The following DRC9 variants were observed in gnomAD, a reference collection of about 807,000 sequenced individuals.
The protein encoded by DRC9 is dynein regulatory complex subunit 9, also known as dynein regulatory complex protein 9.
At chr3:197,941,185 C>G in the DRC9 span, among the ~76,000 whole-genome samples, 1 of 141,062 alleles carries the variant, frequency 7.1e-6, no homozygotes, top group Non-Finnish European at 1.6e-5. Flanking sequence ...TCTCTCTCCC[C>G]TCTCTCCTCT....
the DRC9 span, chr3:197,957,458 G>GT: frequency 0.031 from 4,055 of 129,828 alleles, 78 homozygotes; most frequent in Non-Finnish European, 0.045. Context: ...GATTGTGGTG[G>GT]TTTTTTTTTT....
chr3:197,904,587 G>A, the DRC9 span, among the ~76,000 whole-genome samples: 500 of 152,288 alleles, frequency 3.3e-3, 5 homozygotes, highest in African/African-American at 0.011. Context: ...AGGTGGGGCC[G>A]GGCGTGGTGG....
the DRC9 span, among the ~76,000 whole-genome samples, chr3:197,933,354 T>C: frequency 6.6e-6 from 1 of 151,776 alleles, no homozygotes; most frequent in Non-Finnish European, 1.5e-5. Context: ...GGCAGGAGAA[T>C]TGCTTGAATC....
At chr3:197,932,743 C>T in the DRC9 span, among the ~76,000 whole-genome samples, 1 of 147,262 alleles carries the variant, frequency 6.8e-6, no homozygotes, top group Non-Finnish European at 1.5e-5. Flanking sequence ...GGAAGAATTG[C>T]TTGAGCCCAG....
the DRC9 span, chr3:197,958,960 A>G: frequency 2.0e-5 from 3 of 152,268 alleles, no homozygotes; most frequent in African/African-American, 4.8e-5. Flanking sequence ...TAATCCCAAC[A>G]CTTTGGGAGG....
chr3:197,913,335 TGC>T, the DRC9 span: 5 of 217,672 alleles, frequency 2.3e-5, no homozygotes, highest in African/African-American at 7.4e-5. Context: ...TGTGCGTGCG[TGC>T]GTGCGTGCGT....
the DRC9 span, among the ~76,000 whole-genome samples, chr3:197,934,094 A>T: frequency 7.1e-6 from 1 of 140,434 alleles, no homozygotes; most frequent in African/African-American, 2.8e-5. Flanking sequence ...TGATCTTTCT[A>T]TTTATTTATT....
chr3:197,932,875 T>TTATATATGTATTATATATATAATATAC, the DRC9 span, among the ~76,000 whole-genome samples: 1 of 92,528 alleles, frequency 1.1e-5, no homozygotes, highest in African/African-American at 6.4e-5. Context: ...GTATAATATA[T>TTATATATGTATTATATATATAATATAC]ATTATATATG....
chr3:197,913,784 G>A, the DRC9 span: 1 of 1,274,586 alleles, frequency 7.8e-7, no homozygotes, highest in East Asian at 2.3e-5. Context: ...GAGATGGAGG[G>A]AAATCTTTGT....
At chr3:197,952,498 T>C in the DRC9 span, 2 of 152,116 alleles carry the variant, frequency 1.3e-5, no homozygotes, top group South Asian at 4.1e-4. Context: ...CTTTTCTTTT[T>C]TTCTTTCTTT....
At chr3:197,955,560 C>T in the DRC9 span, among the ~76,000 whole-genome samples, 2 of 152,146 alleles carry the variant, frequency 1.3e-5, no homozygotes, top group Admixed American at 6.6e-5. Flanking sequence ...CAGCACCTGG[C>T]CAGTACATGT....
chr3:197,937,799 A>C, the DRC9 span, among the ~76,000 whole-genome samples: 1 of 151,946 alleles, frequency 6.6e-6, no homozygotes, highest in Non-Finnish European at 1.5e-5. Context: ...TAATAATTGA[A>C]AACAGCCAGT....
At chr3:197,917,343 C>T in the DRC9 span, among the ~76,000 whole-genome samples, 2 of 152,118 alleles carry the variant, frequency 1.3e-5, no homozygotes, top group African/African-American at 2.4e-5. Context: ...TGAATCAGAA[C>T]GGAATTCTTC....
chr3:197,906,624 A>G, the DRC9 span: 2 of 152,208 alleles, frequency 1.3e-5, no homozygotes, highest in African/African-American at 2.4e-5. Context: ...CAGTCATCTC[A>G]GAAGGCCTGG....
chr3:197,955,202 CAG>C, the DRC9 span, among the ~76,000 whole-genome samples: 1 of 152,070 alleles, frequency 6.6e-6, no homozygotes, highest in East Asian at 1.9e-4. Flanking sequence ...GGTTTATCAA[CAG>C]AGGAGGCTTT....
chr3:197,942,385 C>CAAA, the DRC9 span, among the ~76,000 whole-genome samples: 146 of 17,088 alleles, frequency 8.5e-3, 16 homozygotes, highest in East Asian at 0.013. Context: ...CTCCGTCTCA[C>CAAA]AAAAAAAAAA....
the DRC9 span, among the ~76,000 whole-genome samples, chr3:197,905,253 A>G: frequency 6.6e-6 from 1 of 152,224 alleles, no homozygotes; most frequent in Admixed American, 6.5e-5. Flanking sequence ...TGTAGCACAA[A>G]GGATAAAGGC....
chr3:197,898,646 C>T, the DRC9 span, among the ~76,000 whole-genome samples: 6 of 152,192 alleles, frequency 3.9e-5, no homozygotes, highest in African/African-American at 7.2e-5. Context: ...AGGAAACTTA[C>T]AATCATGGCA....
At chr3:197,891,020 T>C in the DRC9 span, among the ~76,000 whole-genome samples, 1 of 152,182 alleles carries the variant, frequency 6.6e-6, no homozygotes, top group Admixed American at 6.5e-5. Flanking sequence ...ATATCTCTAT[T>C]TTTTTCTAAC....
Sources: gnomAD v4.1 joint callset for allele counts (sites outside exome capture counted in the v4.1 genomes callset) on GRCh38, gnomAD v4.1.1 for gene constraint, MANE v1.5 for transcripts, NCBI Gene and HGNC (gene_info 2026-07-23, HGNC 2026-07-21) for gene names.